The following AP3S1 variants were observed in gnomAD, a reference collection of about 807,000 sequenced individuals.
AP3S1 encodes adaptor related protein complex 3 subunit sigma 1.
In AP3S1, 12 loss-of-function variants were observed where a neutral mutation model predicts 21.3. The ratio of observed to expected loss-of-function variants is 0.56; its 90% CI spans 0.36 to 0.91. The LOEUF (loss-of-function observed/expected upper bound fraction) is 0.91, where lower values mean the gene tolerates loss of function less well. Among genes scored for constraint, AP3S1 ranks in the 40% least tolerant of loss-of-function variants. The pLI is 0.01. For missense variants in AP3S1, 116 were observed against 225.0 expected (o/e 0.52, Z 3.10); for synonymous variants, 48 against 78.4 (o/e 0.61, Z 2.05).
rs1238883987 is a variant in AP3S1, at chr5:115,891,073, T to C, written c.274-4014T>C. Among the ~76,000 whole-genome samples the C allele has an allele frequency of 2.0e-5, 3 of 152,124 alleles. 1 individual carries two copies. The highest frequency in any genetic ancestry group is 2.0e-4 in the Admixed American group (3 of 15,276). On this transcript the variant is annotated intron_variant, in intron 3 of 5. Coordinates refer to ENST00000316788, the MANE Select transcript of AP3S1 (RefSeq NM_001284.4). ...AAAATGTATCTGAATTAGTTAGAAA[T>C]AGAATGAGTAAAGTCATTTCAGGCA... is the stretch of plus-strand genomic sequence containing the variant.
chr5:115,860,844 T>C (rs1428048984), intron 1 of AP3S1, among the ~76,000 whole-genome samples: 1 of 152,202 alleles, frequency 6.6e-6, no homozygotes, highest in Non-Finnish European at 1.5e-5. Flanking sequence ...TTTACCATCT[T>C]AATTAGAACA....
At chr5:115,907,752 A>G (rs896233267) in intron 5 of AP3S1, among the ~76,000 whole-genome samples, 3 of 152,198 alleles carry the variant, frequency 2.0e-5, no homozygotes, top group Admixed American at 6.5e-5. Context: ...GTTTTACAAA[A>G]CTAATTTTTC....
intron 5 of AP3S1, among the ~76,000 whole-genome samples, chr5:115,912,545 G>T (rs1419999251): frequency 6.6e-6 from 1 of 151,984 alleles, no homozygotes; most frequent in African/African-American, 2.4e-5. Flanking sequence ...TTATGCACTA[G>T]TGGTACTTAC....
chr5:115,886,112 G>A (rs1232501812), intron 3 of AP3S1, among the ~76,000 whole-genome samples: 4 of 152,110 alleles, frequency 2.6e-5, no homozygotes, highest in African/African-American at 9.7e-5. Context: ...TTAACCTTTT[G>A]CTTTAGATTA....
chr5:115,878,889 A>G (rs769201457), intron 3 of AP3S1, among the ~76,000 whole-genome samples: 8 of 151,972 alleles, frequency 5.3e-5, no homozygotes, highest in Non-Finnish European at 1.0e-4. Context: ...GTAGTTTGTA[A>G]TTCTCCTTGA....
At chr5:115,882,435 A>T (rs1749379559) in intron 3 of AP3S1, among the ~76,000 whole-genome samples, 1 of 152,066 alleles carries the variant, frequency 6.6e-6, no homozygotes, top group Non-Finnish European at 1.5e-5. Flanking sequence ...TCTGATTGTT[A>T]GTTTTCCTTC....
intron 1 of AP3S1, among the ~76,000 whole-genome samples, chr5:115,865,325 G>A (rs1456052559): frequency 6.6e-6 from 1 of 152,154 alleles, no homozygotes; most frequent in African/African-American, 2.4e-5. Context: ...GAGAAAAAGT[G>A]TAGTGGAGTT....
At chr5:115,889,367 C>G (rs981229342) in intron 3 of AP3S1, among the ~76,000 whole-genome samples, 2 of 152,068 alleles carry the variant, frequency 1.3e-5, no homozygotes, top group African/African-American at 4.8e-5. Flanking sequence ...GATTTAAAAT[C>G]AAGTAAGACC....
At chr5:115,874,501 A>G (rs1404253139) in intron 3 of AP3S1, among the ~76,000 whole-genome samples, 1 of 152,112 alleles carries the variant, frequency 6.6e-6, no homozygotes, top group Non-Finnish European at 1.5e-5. Context: ...ACCACATGTA[A>G]CAGTAATCAG....
intron 5 of AP3S1, among the ~76,000 whole-genome samples, chr5:115,909,913 G>A (rs1050365698): frequency 5.9e-5 from 9 of 151,926 alleles, no homozygotes; most frequent in South Asian, 2.1e-4. Context: ...AAATAGGCAC[G>A]GTAAGAGATT....
chr5:115,843,128 A>G (rs1230252448), intron 1 of AP3S1, among the ~76,000 whole-genome samples: 1 of 152,238 alleles, frequency 6.6e-6, no homozygotes, highest in Non-Finnish European at 1.5e-5. Flanking sequence ...GCTGAAACAC[A>G]TAAAATTGGA....
intron 3 of AP3S1, among the ~76,000 whole-genome samples, chr5:115,873,895 T>C (rs934839267): frequency 1.3e-5 from 2 of 152,138 alleles, no homozygotes; most frequent in African/African-American, 4.8e-5. Flanking sequence ...AAACCTATGC[T>C]TATAATTTTG....
chr5:115,877,008 G>C (rs556041207), intron 3 of AP3S1, among the ~76,000 whole-genome samples: 1 of 152,154 alleles, frequency 6.6e-6, no homozygotes, highest in East Asian at 1.9e-4. Context: ...GAATATTTGA[G>C]ACTATGTAAA....
chr5:115,870,995 C>A (rs1748185348), intron 3 of AP3S1, among the ~76,000 whole-genome samples: 1 of 152,142 alleles, frequency 6.6e-6, no homozygotes, highest in South Asian at 2.1e-4. Context: ...CCAGATGATA[C>A]CTGCACACAC....
chr5:115,848,159 A>G (rs914468672), intron 1 of AP3S1, among the ~76,000 whole-genome samples: 16 of 152,206 alleles, frequency 1.1e-4, no homozygotes, highest in Admixed American at 8.5e-4. Context: ...ATTCTTTAGC[A>G]AAGTTGTTTT....
chr5:115,879,442 T>C (rs1749069198), intron 3 of AP3S1, among the ~76,000 whole-genome samples: 1 of 152,206 alleles, frequency 6.6e-6, no homozygotes, highest in South Asian at 2.1e-4. Flanking sequence ...CTTTTCTGCA[T>C]CTATTGAAAT....
chr5:115,866,788 C>G, intron 2 of AP3S1, 27 bp downstream of exon 2: 2 of 1,490,136 alleles, frequency 1.3e-6, no homozygotes, highest in Non-Finnish European at 1.8e-6. Flanking sequence ...ATAGACATTT[C>G]TAAGTTTTGA....
intron 1 of AP3S1, among the ~76,000 whole-genome samples, chr5:115,845,569 C>T (rs1326881244): frequency 6.6e-6 from 1 of 152,098 alleles, no homozygotes; most frequent in Non-Finnish European, 1.5e-5. Context: ...TGCCATGGCT[C>T]ATGCCTGTAA....
rs1322698835 is a variant in AP3S1 at position 115,842,003 on chromosome 5, G to T, written c.-35G>T. 1 of 1,569,646 alleles carries T rather than the reference G, an allele frequency of 6.4e-7. No individual in the cohort carries two copies. Among genetic ancestry groups the T allele is most frequent in the Non-Finnish European group, 8.6e-7 (1 of 1,159,040 alleles). On this transcript the variant is annotated 5_prime_UTR_variant, in exon 1 of 6. Transcript: ENST00000316788. Reference sequence around the variant, plus strand: ...GGCTCGCGCGCCCGCCCCCGCCCTGGCCCCCAGTGCCCACCCGGTCGGCCC... The same window carrying T: ...GGCTCGCGCGCCCGCCCCCGCCCTGTCCCCCAGTGCCCACCCGGTCGGCCC...
Sources: gnomAD v4.1 joint callset for allele counts (sites outside exome capture counted in the v4.1 genomes callset) on GRCh38, gnomAD v4.1.1 for gene constraint, MANE v1.5 for transcripts, NCBI Gene and HGNC (gene_info 2026-07-23, HGNC 2026-07-21) for gene names.